TFAP4: variants seen among roughly 807,000 people sequenced by gnomAD.
The protein encoded by TFAP4 is transcription factor AP-4, also known as activating enhancer-binding protein 4.
In TFAP4, 7 loss-of-function variants were observed where a neutral mutation model predicts 40.4. That is an observed-to-expected ratio of 0.17 (90% CI 0.10 to 0.33). The LOEUF is 0.33. Among genes scored for constraint, TFAP4 ranks in the 10% least tolerant of loss-of-function variants. TFAP4 has a pLI of 1.00. For synonymous variants in TFAP4, 218 were observed against 181.4 expected (o/e 1.20, Z -1.62); for missense variants, 374 against 451.1 (o/e 0.83, Z 1.55).
At chr16:4,266,742 T>C (rs1051476266) in intron 1 of TFAP4, 3 of 152,216 alleles carry the variant, frequency 2.0e-5, no homozygotes, top group Non-Finnish European at 2.9e-5. Flanking sequence ...TCTGGGGTTT[T>C]GCATTTACGG....
intron 1 of TFAP4, 76 bp from the exon 2 acceptor site, chr16:4,262,777 C>T: frequency 4.0e-6 from 6 of 1,509,018 alleles, no homozygotes; most frequent in Non-Finnish European, 4.5e-6. Context: ...CCAGTGGAAA[C>T]TGCATCCCTC....
At chr16:4,261,676 C>T (rs1597312340) in intron 4 of TFAP4, 103 bp downstream of exon 4, 13 of 1,334,428 alleles carry the variant, frequency 9.7e-6, no homozygotes, top group Admixed American at 3.0e-5. Flanking sequence ...AGTAGGTGCT[C>T]CTGTAAATAG....
At position 4,272,802 on chromosome 16, in the gene TFAP4, C is replaced by A; in HGVS notation, c.-56G>T. On this transcript the variant is annotated 5_prime_UTR_variant, in exon 1 of 7. Coordinates refer to ENST00000204517, the MANE Select transcript of TFAP4 (RefSeq NM_003223.3). ...AGGTCCCGCGATCAGCCGGAGAATG[C>A]AAGATGGAAATCCGAATCAAAGGGC... The A allele has an allele frequency of 6.5e-7, 1 of 1,528,308 alleles. No homozygotes were observed. Among genetic ancestry groups the A allele is most frequent in the East Asian group, 2.3e-5 (1 of 42,826 alleles). The allele number at this position is 1,528,308 out of a possible 1,614,324, so 94.7% of individuals were successfully genotyped here.
At position 4,260,516 on chromosome 16, in the gene TFAP4, T is replaced by C; in HGVS notation, c.605A>G (p.Glu202Gly). 1 of 1,610,832 alleles carries C rather than the reference T, an allele frequency of 6.2e-7. No individual in the cohort carries two copies. Among genetic ancestry groups the C allele is most frequent in the Non-Finnish European group, 8.5e-7 (1 of 1,178,788 alleles). The change falls in exon 5 of 7, where the codon GAA becomes GGA. Residue 202 changes from glutamate to glycine, a missense_variant. By Grantham distance (98) the Glu-to-Gly change is moderately conservative. Transcript: ENST00000204517. ...CTCCTGGTGCAGCAGCCTCACCTGT[T>C]CCTGCTGCTGCTGCAGCTGCACCTG... ...AQQVQLQQQQ[E>G]QVRLLHQEKL...
chr16:4,272,513 T>C, intron 1 of TFAP4, 145 bp downstream of exon 1: 2 of 475,362 alleles, frequency 4.2e-6, no homozygotes, highest in Non-Finnish European at 3.4e-6. Flanking sequence ...GGACCCGGCG[T>C]GTGGGGCTGC....
intron 6 of TFAP4, 143 bp downstream of exon 6, chr16:4,259,947 G>GC (rs2052930528): frequency 5.3e-6 from 6 of 1,128,302 alleles, no homozygotes; most frequent in Admixed American, 3.1e-5. Context: ...CAGGGACGGG[G>GC]CCCCCCAAGG....
intron 6 of TFAP4, 172 bp from the exon 7 acceptor site, chr16:4,258,421 C>CTT: frequency 3.4e-6 from 2 of 586,258 alleles, no homozygotes; most frequent in South Asian, 2.3e-5. Context: ...ACTCCTTTTA[C>CTT]TTTTTTTTTG....
chr16:4,261,735 C>G, intron 4 of TFAP4, 44 bp downstream of exon 4: 2 of 1,534,766 alleles, frequency 1.3e-6, no homozygotes, highest in African/African-American at 1.4e-5. Flanking sequence ...AGGCTCCACG[C>G]CCTCTGCACC....
chr16:4,270,285 G>A (rs1234265250), intron 1 of TFAP4, among the ~76,000 whole-genome samples: 1 of 152,116 alleles, frequency 6.6e-6, no homozygotes, highest in Non-Finnish European at 1.5e-5. Flanking sequence ...ACCATTAGGC[G>A]ACAGGTCCAA....
chr16:4,261,555 T>A (rs1194341615), intron 4 of TFAP4, among the ~76,000 whole-genome samples: 1 of 151,888 alleles, frequency 6.6e-6, no homozygotes, highest in South Asian at 2.1e-4. Flanking sequence ...TCCCACAGCA[T>A]GGTTACATTT....
intron 1 of TFAP4, 135 bp from the exon 2 acceptor site, chr16:4,262,836 G>GTCCCAGAGAGCACCC: frequency 1.0e-6 from 1 of 1,002,728 alleles, no homozygotes; most frequent in Non-Finnish European, 1.5e-6. Flanking sequence ...ATGGAGGGGT[G>GTCCCAGAGAGCACCC]CTCTCTGGGA....
Position 4,258,064 on chromosome 16 carries a change from C to T in TFAP4, c.1008G>A (p.Glu336=). The T allele has an allele frequency of 6.2e-7, 1 of 1,611,286 alleles. No individual in the cohort carries two copies. The highest frequency in any genetic ancestry group is 1.1e-5 in the South Asian group (1 of 90,896). ...AGGGCTGGGGGGGTAGTCAGGGAAG[C>T]TCCCCGTCCCCCGACGGCTCCTCCC... ...QSREEPSGDG[E]LP is the part of the protein sequence containing the mutation. The change falls in exon 7 of 7, where the codon GAG becomes GAA. Residue 336 remains glutamate (E), a synonymous_variant. Coordinates refer to ENST00000204517, the MANE Select transcript of TFAP4 (RefSeq NM_003223.3).
chr16:4,272,339 G>A (rs990930653), intron 1 of TFAP4, among the ~76,000 whole-genome samples: 1 of 152,084 alleles, frequency 6.6e-6, no homozygotes, highest in Non-Finnish European at 1.5e-5. Flanking sequence ...AGGAAGCGCG[G>A]GGGGGAAGGC....
intron 1 of TFAP4, among the ~76,000 whole-genome samples, chr16:4,271,234 T>C (rs972140257): frequency 1.3e-5 from 2 of 152,202 alleles, no homozygotes; most frequent in Non-Finnish European, 2.9e-5. Flanking sequence ...TGTCTACACG[T>C]GTGCAGCAAC....
chr16:4,266,587 T>C (rs1406288210), intron 1 of TFAP4: 1 of 152,164 alleles, frequency 6.6e-6, no homozygotes, highest in Non-Finnish European at 1.5e-5. Flanking sequence ...TTCTTATTGG[T>C]GGAATGCTGA....
intron 6 of TFAP4, among the ~76,000 whole-genome samples, chr16:4,258,961 G>T (rs2052922172): frequency 6.6e-6 from 1 of 151,922 alleles, no homozygotes; most frequent in Non-Finnish European, 1.5e-5. Context: ...GGTGGCACAT[G>T]CCTATAATCC....
intron 1 of TFAP4, among the ~76,000 whole-genome samples, chr16:4,270,086 G>A (rs1225903060): frequency 6.6e-6 from 1 of 152,132 alleles, no homozygotes; most frequent in East Asian, 1.9e-4. Flanking sequence ...TTGGGAGGCT[G>A]AGGCAGGAAA....
intron 6 of TFAP4, among the ~76,000 whole-genome samples, chr16:4,259,820 G>A (rs2052929428): frequency 6.6e-6 from 1 of 152,216 alleles, no homozygotes; most frequent in South Asian, 2.1e-4. Flanking sequence ...TGGGAGCAAA[G>A]GACCCTCTCC....
At chr16:4,258,389 C>T (rs2052916696) in intron 6 of TFAP4, 140 bp from the exon 7 acceptor site, 3 of 732,704 alleles carry the variant, frequency 4.1e-6, no homozygotes, top group African/African-American at 1.8e-5. Context: ...AGGGGAGGCC[C>T]GCTAGAGTAC....
Sources: allele counts gnomAD v4.1 joint callset (sites outside exome capture counted in the v4.1 genomes callset), GRCh38; gene constraint gnomAD v4.1.1; transcripts MANE v1.5; gene names NCBI Gene and HGNC (gene_info 2026-07-23, HGNC 2026-07-21).